The following LARP1B variants were observed in gnomAD, a reference collection of about 807,000 sequenced individuals.
LARP1B encodes the protein La ribonucleoprotein 1B.
Under a neutral mutation model 114.2 loss-of-function variants are expected in LARP1B, and 76 were observed. The ratio of observed to expected loss-of-function variants is 0.67; its 90% confidence interval spans 0.55 to 0.81. The LOEUF is 0.81. LARP1B is among the 30% of genes least tolerant of loss of function. The probability of loss-of-function intolerance (pLI) is 0.00; values close to 1 mark genes in which losing one functional copy is unlikely to be tolerated. For missense variants in LARP1B, 1,014 were observed against 1,075.8 expected (o/e 0.94, Z 0.80); for synonymous variants, 345 against 348.0 (o/e 0.99, Z 0.10).
At chr4:128,146,221 T>C (rs1036720337) in intron 11 of LARP1B, among the ~76,000 whole-genome samples, 1 of 152,220 alleles carries the variant, frequency 6.6e-6, no homozygotes, top group Non-Finnish European at 1.5e-5. Context: ...TTAAATCTAA[T>C]AGCTTCATTA....
chr4:128,173,880 C>T (rs564091623), intron 12 of LARP1B, among the ~76,000 whole-genome samples: 3 of 152,254 alleles, frequency 2.0e-5, no homozygotes, highest in East Asian at 3.9e-4. Context: ...TAGAACAATT[C>T]CATCATACTA....
intron 6 of LARP1B, among the ~76,000 whole-genome samples, chr4:128,219,037 T>G (rs1578850733): frequency 7.4e-6 from 1 of 135,112 alleles, no homozygotes; most frequent in South Asian, 2.6e-4. Context: ...AAAAAACACA[T>G]GAAAAAATGC....
At chr4:128,152,446 C>T (rs1304508639) in intron 11 of LARP1B, among the ~76,000 whole-genome samples, 6 of 152,078 alleles carry the variant, frequency 3.9e-5, no homozygotes, top group Non-Finnish European at 8.8e-5. Flanking sequence ...TCGTGATCCA[C>T]CTGCCTCGGC....
intron 5 of LARP1B, among the ~76,000 whole-genome samples, chr4:128,089,316 A>C (rs1332370165): frequency 1.3e-5 from 2 of 152,136 alleles, no homozygotes; most frequent in Non-Finnish European, 1.5e-5. Context: ...CCTATTTTCA[A>C]CCTCATTAGC....
chr4:128,126,005 G>A (rs1238440757), intron 11 of LARP1B, among the ~76,000 whole-genome samples: 1 of 151,842 alleles, frequency 6.6e-6, no homozygotes, highest in African/African-American at 2.4e-5. Flanking sequence ...ACATTATATT[G>A]CAAGGAAAGT....
intron 1 of LARP1B, 196 bp downstream of exon 1, chr4:128,061,597 C>T (rs1760129254): frequency 5.9e-6 from 5 of 844,744 alleles, no homozygotes; most frequent in South Asian, 5.4e-5. Flanking sequence ...GTTGTCTGTC[C>T]CCAGTTGGAG....
At chr4:128,207,845 A>G (rs892675200) in intron 19 of LARP1B, among the ~76,000 whole-genome samples, 1 of 152,256 alleles carries the variant, frequency 6.6e-6, no homozygotes, top group South Asian at 2.1e-4. Flanking sequence ...TAGTTGAGTC[A>G]GCCAGACAAG....
At chr4:128,074,400 T>TA (rs143827060) in intron 1 of LARP1B, 60 bp from the exon 2 acceptor site, 1 of 277,274 alleles carries the variant, frequency 3.6e-6, no homozygotes, top group East Asian at 1.7e-4. Context: ...ACATAATAGT[T>TA]ATTTTGTTGA....
chr4:128,168,213 G>A (rs573394604), intron 12 of LARP1B, among the ~76,000 whole-genome samples: 12 of 151,606 alleles, frequency 7.9e-5, no homozygotes, highest in African/African-American at 2.4e-4. Context: ...GCCATTTTAC[G>A]TTCTTACCAA....
chr4:128,191,789 T>C (rs1388451758), intron 15 of LARP1B, among the ~76,000 whole-genome samples: 1 of 152,152 alleles, frequency 6.6e-6, no homozygotes, highest in Non-Finnish European at 1.5e-5. Context: ...ATTATACTTC[T>C]TATGGGTTGA....
At chr4:128,097,296 G>GT (rs1277380241) in intron 7 of LARP1B, among the ~76,000 whole-genome samples, 4 of 151,804 alleles carry the variant, frequency 2.6e-5, no homozygotes, top group African/African-American at 9.7e-5. Context: ...TGTTCACTAA[G>GT]TTTTTTTTGT....
At chr4:128,127,607 G>C (rs1317897568) in intron 11 of LARP1B, among the ~76,000 whole-genome samples, 1 of 152,208 alleles carries the variant, frequency 6.6e-6, no homozygotes, top group Non-Finnish European at 1.5e-5. Context: ...GCCGAGGTGG[G>C]TGTATTACCT....
chr4:128,153,002 G>A (rs1241631478), intron 11 of LARP1B, among the ~76,000 whole-genome samples: 9 of 63,336 alleles, frequency 1.4e-4, no homozygotes, highest in African/African-American at 4.3e-4. Flanking sequence ...TTTTTTTTGA[G>A]ATGGAGTTTT....
At chr4:128,146,100 A>G (rs1266496408) in intron 11 of LARP1B, among the ~76,000 whole-genome samples, 1 of 152,140 alleles carries the variant, frequency 6.6e-6, no homozygotes, top group Non-Finnish European at 1.5e-5. Flanking sequence ...GTATACATGC[A>G]TTTTTCTAAT....
At chr4:128,149,136 C>T (rs1731579915) in intron 11 of LARP1B, among the ~76,000 whole-genome samples, 1 of 152,134 alleles carries the variant, frequency 6.6e-6, no homozygotes, top group Admixed American at 6.5e-5. Context: ...TGCATACATT[C>T]ATTGAGTAGA....
At chr4:128,071,268 G>A (rs555278395) in intron 1 of LARP1B, among the ~76,000 whole-genome samples, 2 of 151,916 alleles carry the variant, frequency 1.3e-5, no homozygotes, top group African/African-American at 4.8e-5. Context: ...GGATGGTCTC[G>A]ATCTCCTGAC....
chr4:128,073,341 C>T (rs62335640), intron 1 of LARP1B, among the ~76,000 whole-genome samples: 85,858 of 146,550 alleles, frequency 0.59, 25,933 homozygotes, highest in Middle Eastern at 0.8. Context: ...GCTTGAACCC[C>T]GGAGGGGGAG....
chr4:128,179,355 G>A (rs749871907), intron 14 of LARP1B, 51 bp from the exon 15 acceptor site: 18 of 1,125,092 alleles, frequency 1.6e-5, no homozygotes, highest in South Asian at 3.0e-5. Context: ...ATTTACTTGT[G>A]AAGTTCACAC....
rs201554291 is a variant in LARP1B at position 128,098,743 on chromosome 4, A to ATGTGTG, written c.813+418_813+419insGTGTGT. On this transcript the variant is annotated intron_variant, in intron 8 of 19. Transcript: ENST00000326639. ...AAAAAGCATGTGTTCCTGTATATGT[A>ATGTGTG]TGTGTATATATATATATATATATAT... is the stretch of plus-strand genomic sequence containing the variant. Among the ~76,000 whole-genome samples, 190 of 24,210 alleles carry ATGTGTG rather than the reference A, an allele frequency of 7.8e-3. 5 individuals carry two copies. The highest frequency in any genetic ancestry group is 0.013 in the African/African-American group (117 of 9,234). The allele number at this position is 24,210 out of a possible 152,430, so 15.9% of individuals were successfully genotyped here. A position where few individuals can be genotyped will look rare whatever the true frequency, so the allele number is the denominator to read the frequency against.
Sources: gnomAD v4.1 joint callset for allele counts (sites outside exome capture counted in the v4.1 genomes callset) on GRCh38, gnomAD v4.1.1 for gene constraint, MANE v1.5 for transcripts, NCBI Gene and HGNC (gene_info 2026-07-23, HGNC 2026-07-21) for gene names.